USP49: variants seen among roughly 807,000 people sequenced by gnomAD.
USP49 encodes ubiquitin specific peptidase 49, also known as ubiquitin carboxyl-terminal hydrolase 49.
In USP49, 24 loss-of-function variants were observed where a neutral mutation model predicts 58.6. The observed-to-expected ratio is 0.41, with a 90% CI of 0.30 to 0.58. USP49 has a LOEUF of 0.58. Among genes scored for constraint, USP49 ranks in the 20% least tolerant of loss-of-function variants. The pLI, the probability that USP49 is intolerant of heterozygous loss-of-function variation, is 0.30. For synonymous variants in USP49, 408 were observed against 365.1 expected, an observed-to-expected ratio of 1.12 and a Z score of -1.34; for missense variants, 703 against 866.1, an observed-to-expected ratio of 0.81 and a Z score of 2.36.
At chr6:41,817,463 T>C (rs1164388425) in intron 3 of USP49, among the ~76,000 whole-genome samples, 46 of 141,926 alleles carry the variant, frequency 3.2e-4, no homozygotes, top group African/African-American at 5.0e-4. Flanking sequence ...CTTTCTTTTT[T>C]TTTTTTTTTT....
chr6:41,892,502 T>C (rs1180089421), intron 1 of USP49, among the ~76,000 whole-genome samples: 1 of 152,186 alleles, frequency 6.6e-6, no homozygotes, highest in East Asian at 1.9e-4. Context: ...CTCTGTTAAA[T>C]TGCTAAATAC....
intron 3 of USP49, among the ~76,000 whole-genome samples, chr6:41,857,842 A>G (rs962224631): frequency 7.2e-5 from 11 of 152,246 alleles, no homozygotes; most frequent in Non-Finnish European, 1.5e-4. Flanking sequence ...ATACTTACAT[A>G]GTTCATCAGT....
chr6:41,833,603 A>T (rs566951240), intron 3 of USP49, among the ~76,000 whole-genome samples: 1 of 152,344 alleles, frequency 6.6e-6, no homozygotes, highest in African/African-American at 2.4e-5. Context: ...AAATTCAAAT[A>T]GTGCAAATAA....
intron 3 of USP49, among the ~76,000 whole-genome samples, chr6:41,834,112 T>G (rs772049959): frequency 2.0e-4 from 30 of 152,216 alleles, no homozygotes; most frequent in Non-Finnish European, 3.7e-4. Context: ...TTGTCCTATT[T>G]AAAGTTCTCA....
At chr6:41,850,316 GCCTCTAGTC>G (rs1582020143) in intron 3 of USP49, among the ~76,000 whole-genome samples, 2 of 151,658 alleles carry the variant, frequency 1.3e-5, no homozygotes, top group East Asian at 3.9e-4. Context: ...GGTGGCACAC[GCCTCTAGTC>G]CCAACTACTC....
At chr6:41,873,172 G>A (rs971534374) in intron 2 of USP49, among the ~76,000 whole-genome samples, 1 of 152,224 alleles carries the variant, frequency 6.6e-6, no homozygotes, top group East Asian at 1.9e-4. Context: ...AGGTGGGGGT[G>A]AAGCTCTTGG....
intron 3 of USP49, chr6:41,833,116 ACACCATTCTCCT>A (rs1773665151): frequency 6.7e-6 from 1 of 148,504 alleles, no homozygotes; most frequent in Non-Finnish European, 1.5e-5. Context: ...TCCCAGGTTT[ACACCATTCTCCT>A]GCCTCAGCCT....
At position 41,796,450 on chromosome 6, in the gene USP49, C is replaced by T. The variant is rs1179708507; in HGVS notation, c.*83G>A. The stretch of plus-strand genomic sequence containing the variant: ...AGCAAGGCAAACCTAGTAATCTGTT[C>T]CTGCAGTAGCCTTATTTCCTATAAG... On this transcript the variant is annotated 3_prime_UTR_variant, in exon 8 of 8. Transcript: ENST00000682992. 3.0e-6 allele frequency: 2 copies of T among 657,158 alleles called. No homozygotes were observed. The highest frequency in any genetic ancestry group is 2.7e-5 in the East Asian group (1 of 36,834). 40.7% of individuals were successfully genotyped at this position (657,158 alleles called of 1,614,324 possible). A position where few individuals can be genotyped will look rare whatever the true frequency, so the allele number is the denominator to read the frequency against.
At chr6:41,839,739 C>G (rs1490713061) in intron 3 of USP49, among the ~76,000 whole-genome samples, 2 of 148,174 alleles carry the variant, frequency 1.3e-5, no homozygotes, top group Non-Finnish European at 3.0e-5. Context: ...TGAAGTAACT[C>G]AGGAATGGAA....
intron 3 of USP49, among the ~76,000 whole-genome samples, chr6:41,861,262 T>C (rs188572219): frequency 4.5e-4 from 68 of 151,794 alleles, no homozygotes; most frequent in African/African-American, 1.5e-3. Flanking sequence ...GTTAACATGG[T>C]GAAACCCTGT....
chr6:41,883,255 G>A (rs897150575), intron 2 of USP49, among the ~76,000 whole-genome samples: 1 of 151,310 alleles, frequency 6.6e-6, no homozygotes, highest in African/African-American at 2.4e-5. Context: ...TCAGGAGGCT[G>A]AGGCAGGAGA....
chr6:41,798,897 C>G lies in USP49; in HGVS notation c.1703G>C (p.Gly568Ala). 6.2e-7 allele frequency: 1 copy of G among 1,613,592 alleles called. No individual in the cohort carries two copies. Among genetic ancestry groups the G allele is most frequent in the African/African-American group, 1.3e-5 (1 of 74,824 alleles). ...WSGRNHREKI[G>A]VHVVFDQVLT... ...TACCTGGTCAAAGACGACATGGACC[C>G]CAATCTTCTCTCGATGATTACGGCC... The change falls in exon 7 of 8, where the codon GGG (glycine) becomes GCG (alanine). Residue 568 changes from glycine to alanine, a missense_variant. This residue lies in a region of USP49 where 158 missense variants were observed against 241.2 expected (regional missense o/e 0.66). Transcript: ENST00000682992.
intron 3 of USP49, among the ~76,000 whole-genome samples, chr6:41,824,528 T>C (rs1773505490): frequency 5.9e-5 from 9 of 151,674 alleles, no homozygotes; most frequent in Admixed American, 5.9e-4. Context: ...CTGACCAACA[T>C]GGAGAAACCC....
intron 3 of USP49, among the ~76,000 whole-genome samples, chr6:41,864,019 T>A (rs571433777): frequency 6.7e-6 from 1 of 150,146 alleles, no homozygotes; most frequent in South Asian, 2.1e-4. Flanking sequence ...TCCTACCACC[T>A]CAGCCTCTCA....
At chr6:41,857,188 T>C (rs772712837) in intron 3 of USP49, among the ~76,000 whole-genome samples, 6 of 152,234 alleles carry the variant, frequency 3.9e-5, no homozygotes, top group Non-Finnish European at 5.9e-5. Flanking sequence ...TTATTTATCT[T>C]AGTGCTAAAG....
intron 3 of USP49, among the ~76,000 whole-genome samples, chr6:41,828,317 T>C (rs953183661): frequency 1.3e-5 from 2 of 150,960 alleles, no homozygotes; most frequent in African/African-American, 4.9e-5. Context: ...GCCATGGTGG[T>C]ATGTGCCTGT....
chr6:41,871,660 A>G (rs1158296310), intron 2 of USP49, 23 bp from the exon 3 acceptor site: 1 of 152,220 alleles, frequency 6.6e-6, no homozygotes, highest in African/African-American at 2.4e-5. Flanking sequence ...AACAATCTGT[A>G]AGATTGGGCT....
Position 41,790,666 on chromosome 6 carries a change from G to A in USP49, c.*5867C>T, listed in dbSNP as rs1772782270. The A allele has an allele frequency of 6.6e-6, 1 of 152,144 alleles. No individual in the cohort carries two copies. The highest frequency in any genetic ancestry group is 2.1e-4 in the South Asian group (1 of 4,822). The allele number at this position is 152,144 out of a possible 1,614,324, so 9.4% of individuals were successfully genotyped here. On this transcript the variant is annotated 3_prime_UTR_variant, in exon 8 of 8. Transcript: ENST00000682992. ...CTCTAGCAGTTTGTTCACTACTAAA[G>A]TTAAACAGGACAAAATAGTCTTTCC...
chr6:41,854,797 A>G (rs989492487), intron 3 of USP49, among the ~76,000 whole-genome samples: 2 of 152,106 alleles, frequency 1.3e-5, no homozygotes, highest in Admixed American at 1.3e-4. Context: ...ATTCTGAGAC[A>G]GGGTCTCACT....
Sources: gnomAD v4.1 joint callset for allele counts (sites outside exome capture counted in the v4.1 genomes callset) on GRCh38, gnomAD v4.1.1 for gene constraint, gnomAD v4.1.1 regional missense constraint, MANE v1.5 for transcripts, NCBI Gene and HGNC (gene_info 2026-07-23, HGNC 2026-07-21) for gene names.